B3GALT1: variants seen among roughly 807,000 people sequenced by gnomAD.
B3GALT1 encodes beta-1,3-galactosyltransferase 1.
In B3GALT1, 10 loss-of-function variants were observed where a neutral mutation model predicts 23.2. The ratio of observed to expected loss-of-function variants is 0.43; its 90% CI spans 0.27 to 0.73. The LOEUF (loss-of-function observed/expected upper bound fraction) is 0.73, where lower values mean the gene tolerates loss of function less well. Among genes scored for constraint, B3GALT1 ranks in the 30% least tolerant of loss-of-function variants. B3GALT1 has a pLI of 0.21. For synonymous variants in B3GALT1, 156 were observed against 141.5 expected (o/e 1.10, Z -0.73); for missense variants, 299 against 405.4 (o/e 0.74, Z 2.25).
intron 3 of B3GALT1, among the ~76,000 whole-genome samples, chr2:167,767,121 C>T (rs922914401): frequency 6.6e-6 from 1 of 152,156 alleles, no homozygotes; most frequent in Non-Finnish European, 1.5e-5. Context: ...CTGGGTACAA[C>T]AGTTTTGACA....
intron 2 of B3GALT1, among the ~76,000 whole-genome samples, chr2:167,603,661 A>G (rs1684912280): frequency 6.6e-6 from 1 of 152,202 alleles, no homozygotes; most frequent in African/African-American, 2.4e-5. Flanking sequence ...CTGTTTGTTC[A>G]CATCCATATT....
intron 2 of B3GALT1, among the ~76,000 whole-genome samples, chr2:167,583,578 T>C (rs1684526955): frequency 6.6e-6 from 1 of 152,232 alleles, no homozygotes; most frequent in Non-Finnish European, 1.5e-5. Flanking sequence ...TATCTCAGAC[T>C]AATATGCATT....
chr2:167,322,146 T>G (rs1248049693), intron 1 of B3GALT1, among the ~76,000 whole-genome samples: 1 of 152,036 alleles, frequency 6.6e-6, no homozygotes, highest in African/African-American at 2.4e-5. Context: ...ATAAACAAAT[T>G]AATTTTTTGG....
intron 2 of B3GALT1, among the ~76,000 whole-genome samples, chr2:167,532,124 T>C (rs1683335409): frequency 6.6e-6 from 1 of 152,134 alleles, no homozygotes; most frequent in Non-Finnish European, 1.5e-5. Flanking sequence ...CATTTTCTCC[T>C]GTTTGTTAGC....
chr2:167,652,937 T>G (rs1179438493), intron 3 of B3GALT1, among the ~76,000 whole-genome samples: 1 of 152,174 alleles, frequency 6.6e-6, no homozygotes. Flanking sequence ...TATATGGATG[T>G]GTACCTATGT....
chr2:167,842,833 A>T (rs1416317988), intron 4 of B3GALT1, among the ~76,000 whole-genome samples: 2 of 152,178 alleles, frequency 1.3e-5, no homozygotes, highest in Non-Finnish European at 2.9e-5. Context: ...GGATCATGCC[A>T]CTGTATTCCA....
intron 1 of B3GALT1, among the ~76,000 whole-genome samples, chr2:167,300,919 C>T (rs1696433296): frequency 6.6e-6 from 1 of 152,164 alleles, no homozygotes; most frequent in Non-Finnish European, 1.5e-5. Flanking sequence ...AGAGGAAGTA[C>T]ATTCAACATC....
At chr2:167,366,368 A>G (rs1181841267) in intron 1 of B3GALT1, among the ~76,000 whole-genome samples, 1 of 152,208 alleles carries the variant, frequency 6.6e-6, no homozygotes, top group Non-Finnish European at 1.5e-5. Context: ...TCAGATATAT[A>G]GAATAGTTTT....
intron 2 of B3GALT1, among the ~76,000 whole-genome samples, chr2:167,542,467 G>A (rs1683548702): frequency 6.6e-6 from 1 of 152,160 alleles, no homozygotes; most frequent in African/African-American, 2.4e-5. Flanking sequence ...TGGGAAGAAG[G>A]AGAAAGCCAC....
rs192275859 is a variant in B3GALT1 at position 167,534,429 on chromosome 2, G to T, written c.-410+44152G>T. 3.3e-5 allele frequency among the ~76,000 whole-genome samples: 5 copies of T among 152,162 alleles called. No individual in the cohort carries two copies. In the East Asian group the frequency reaches 9.6e-4, roughly 29 times the overall value. On this transcript the variant is annotated intron_variant, in intron 2 of 4. Transcript: ENST00000392690. ...CAGGCAAGACATTGAAACTTTTGGG[G>T]ATTAGGGAATGGAAGAGAATTTGTT...
chr2:167,420,016 C>T (rs2105300977), intron 1 of B3GALT1, among the ~76,000 whole-genome samples: 1 of 152,260 alleles, frequency 6.6e-6, no homozygotes, highest in Non-Finnish European at 1.5e-5. Context: ...GATGGGATCC[C>T]TCTTATAAGA....
chr2:167,626,373 A>G (rs764096651), intron 2 of B3GALT1, among the ~76,000 whole-genome samples: 29 of 151,584 alleles, frequency 1.9e-4, no homozygotes, highest in Non-Finnish European at 3.7e-4. Context: ...CAACAATATC[A>G]ATGTATTTAC....
chr2:167,341,466 A>G (rs1194482944), intron 1 of B3GALT1, among the ~76,000 whole-genome samples: 3 of 152,210 alleles, frequency 2.0e-5, no homozygotes, highest in Non-Finnish European at 4.4e-5. Context: ...GTTTGAGATC[A>G]GCCTGGCCAA....
At chr2:167,645,852 T>G (rs1257719921) in intron 2 of B3GALT1, among the ~76,000 whole-genome samples, 1 of 152,042 alleles carries the variant, frequency 6.6e-6, no homozygotes, top group Admixed American at 6.6e-5. Flanking sequence ...ATCACAGGTG[T>G]AAGCCACCAC....
At chr2:167,857,707 G>A (rs367862965) in intron 4 of B3GALT1, among the ~76,000 whole-genome samples, 95 of 152,114 alleles carry the variant, frequency 6.2e-4, no homozygotes, top group African/African-American at 2.0e-3. Flanking sequence ...ACTAATTTAG[G>A]AAAATTGTAC....
intron 2 of B3GALT1, among the ~76,000 whole-genome samples, chr2:167,628,916 T>A (rs1685391723): frequency 6.6e-6 from 1 of 151,690 alleles, no homozygotes; most frequent in African/African-American, 2.4e-5. Context: ...ATTTTATTTG[T>A]TCTGTGGAAG....
chr2:167,338,776 C>T (rs945867467), intron 1 of B3GALT1, among the ~76,000 whole-genome samples: 6 of 151,618 alleles, frequency 4.0e-5, no homozygotes, highest in South Asian at 2.1e-4. Flanking sequence ...AATGTCTGCA[C>T]GTTAAGAGGC....
At chr2:167,328,309 T>C (rs966949938) in intron 1 of B3GALT1, among the ~76,000 whole-genome samples, 1 of 152,216 alleles carries the variant, frequency 6.6e-6, no homozygotes, top group Non-Finnish European at 1.5e-5. Context: ...TTAGTTCATC[T>C]TTATACGTTT....
chr2:167,450,820 G>A (rs1699078076), intron 1 of B3GALT1, among the ~76,000 whole-genome samples: 1 of 152,048 alleles, frequency 6.6e-6, no homozygotes, highest in African/African-American at 2.4e-5. Context: ...TTCTTCATCA[G>A]GAACATCAAT....
Sources: gnomAD v4.1 joint callset for allele counts (sites outside exome capture counted in the v4.1 genomes callset) on GRCh38, gnomAD v4.1.1 for gene constraint, MANE v1.5 for transcripts, NCBI Gene and HGNC (gene_info 2026-07-23, HGNC 2026-07-21) for gene names.